KDM4B: variants seen among roughly 807,000 people sequenced by gnomAD.
KDM4B encodes the protein lysine-specific demethylase 4B.
KDM4B carries 32 observed loss-of-function variants against 125.2 expected under a neutral mutation model. The observed-to-expected ratio is 0.26, with a 90% CI of 0.19 to 0.34. The LOEUF (loss-of-function observed/expected upper bound fraction) is 0.34, where lower values mean the gene tolerates loss of function less well. KDM4B is among the 10% of genes least tolerant of loss of function. The probability of loss-of-function intolerance (pLI) is 1.00; values close to 1 mark genes in which losing one functional copy is unlikely to be tolerated. For synonymous variants in KDM4B, 721 were observed against 677.9 expected (o/e 1.06, Z -0.99); for missense variants, 1,190 against 1,577.7 (o/e 0.75, Z 4.16).
chr19:5,109,396 C>G (rs2039095377), intron 9 of KDM4B, among the ~76,000 whole-genome samples: 1 of 152,224 alleles, frequency 6.6e-6, no homozygotes, highest in East Asian at 1.9e-4. Context: ...CACCAGGTCA[C>G]CTGCAGAACA....
At chr19:5,137,059 T>C (rs2039660327) in intron 15 of KDM4B, among the ~76,000 whole-genome samples, 1 of 152,150 alleles carries the variant, frequency 6.6e-6, no homozygotes, top group South Asian at 2.1e-4. Context: ...GACCTTTCTC[T>C]CGCTCCACAT....
intron 9 of KDM4B, among the ~76,000 whole-genome samples, chr19:5,090,039 CTG>C (rs1454371470): frequency 1.3e-5 from 2 of 152,186 alleles, no homozygotes; most frequent in African/African-American, 2.4e-5. Flanking sequence ...AACACAAAAA[CTG>C]TGAAGACCCC....
rs528957998 is a variant in KDM4B, at chr19:5,082,055, C to T, written c.781-312C>T. On this transcript the variant is annotated intron_variant, in intron 8 of 22. Transcript: ENST00000159111. This position sits in a 1 kb window ranked among gnomAD's most constrained non-coding sequence, Gnocchi z 5.4. ...TTGTGTCCAGCCACGGCTCCATCTG[C>T]GGTTCTCCCACTGGGGTGATGCTGA... is the stretch of plus-strand genomic sequence containing the variant. Among the ~76,000 whole-genome samples, 17 of 152,284 alleles carry T rather than the reference C, an allele frequency of 1.1e-4. No homozygotes were observed. In the East Asian group the frequency reaches 2.7e-3, roughly 24 times the overall value.
At chr19:5,084,426 T>C (rs1005481387) in intron 9 of KDM4B, among the ~76,000 whole-genome samples, 2 of 141,046 alleles carry the variant, frequency 1.4e-5, no homozygotes, top group African/African-American at 2.6e-5. Flanking sequence ...AATTTATATA[T>C]ATAAATATAA....
At chr19:5,136,011 C>T (rs992452375) in intron 15 of KDM4B, among the ~76,000 whole-genome samples, 4 of 152,266 alleles carry the variant, frequency 2.6e-5, no homozygotes, top group African/African-American at 9.6e-5. Flanking sequence ...GGCACCCCGT[C>T]TCTCCGCAGG....
At chr19:5,003,811 A>G (rs1599392448) in intron 1 of KDM4B, among the ~76,000 whole-genome samples, 1 of 152,092 alleles carries the variant, frequency 6.6e-6, no homozygotes, top group African/African-American at 2.4e-5. Context: ...CCCCGTCTAA[A>G]AAAAAGGTCC....
At chr19:5,135,306 C>T (rs775292901) in intron 14 of KDM4B, 33 bp from the exon 15 acceptor site, 1 of 1,502,880 alleles carries the variant, frequency 6.7e-7, no homozygotes, top group African/African-American at 1.4e-5. Flanking sequence ...CCACACATGG[C>T]TCTGTCCCCT....
In KDM4B at chr19:5,138,042, G is replaced by A; in HGVS notation, c.2522G>A (p.Ser841Asn). The change falls in exon 18 of 23, where the codon AGC becomes AAC. Residue 841 changes from serine (S) to asparagine (N), a missense_variant. Coordinates refer to ENST00000159111, the MANE Select transcript of KDM4B (RefSeq NM_015015.3). ...NVIERHPVDI[S>N]AIPEQRWKLK... Reference sequence around the variant, plus strand: ...ATTGAGCGCCACCCTGTGGACATCAGCGCCATCCCCGAGCAGCGGTGGAAG... The same window carrying A: ...ATTGAGCGCCACCCTGTGGACATCAACGCCATCCCCGAGCAGCGGTGGAAG... The A allele has an allele frequency of 1.2e-6, 2 of 1,612,590 alleles. No individual in the cohort carries two copies. The highest frequency in any genetic ancestry group is 1.7e-6 in the Non-Finnish European group (2 of 1,179,860).
At chr19:5,032,446 A>G (rs1236712763) in intron 2 of KDM4B, among the ~76,000 whole-genome samples, 2 of 152,168 alleles carry the variant, frequency 1.3e-5, no homozygotes, top group Non-Finnish European at 2.9e-5. Context: ...ACCCTCACCC[A>G]TGGCCGCCCT....
chr19:5,115,829 A>C lies in KDM4B; in HGVS notation c.1116-3824A>C, dbSNP rs926025328. 2.6e-5 allele frequency among the ~76,000 whole-genome samples: 4 copies of C among 152,168 alleles called. No homozygotes were observed. Among genetic ancestry groups the C allele is most frequent in the Non-Finnish European group, 5.9e-5 (4 of 68,026 alleles). On this transcript the variant is annotated intron_variant, in intron 10 of 22. Coordinates refer to ENST00000159111, the MANE Select transcript of KDM4B (RefSeq NM_015015.3). The surrounding 1 kb of genome is among the most constrained non-coding windows in gnomAD (Gnocchi z 4.2). Reference sequence around the variant, plus strand: ...ACAGTGGATTGGGAGGCCCTTGAAGAATCCCCTCCCACAGCACTGACAGAC... The same window carrying C: ...ACAGTGGATTGGGAGGCCCTTGAAGCATCCCCTCCCACAGCACTGACAGAC...
In KDM4B at chr19:5,135,391, C is replaced by G; in HGVS notation, c.2138C>G (p.Pro713Arg). Residue 713 changes from proline (P) to arginine (R), a missense_variant, in exon 15 of 23, where the codon CCG becomes CGG. Transcript: ENST00000159111. ...ATAGCCTCCCTCGGAGAGGGCTGCC[C>G]GGCCACATTACCCTCCAAAAGCCGT... ...APIASLGEGC[P>R]ATLPSKSRQK... 6.2e-7 allele frequency: 1 copy of G among 1,613,598 alleles called. No individual in the cohort carries two copies. The highest frequency in any genetic ancestry group is 8.5e-7 in the Non-Finnish European group (1 of 1,179,984).
At chr19:5,109,522 G>A (rs1200190556) in intron 9 of KDM4B, among the ~76,000 whole-genome samples, 7 of 152,166 alleles carry the variant, frequency 4.6e-5, no homozygotes, top group Non-Finnish European at 7.3e-5. Context: ...GCAGCTGGAG[G>A]GGACTTCAAC....
In KDM4B at chr19:5,110,605, C is replaced by G; in HGVS notation, c.919-17C>G. ...CCAGGTGTGGCGCGAGGGCTCAGACCGTGTCCCCTGCCGCAGTGCACGTGC... is the reference window on the plus strand; with the variant it reads ...CCAGGTGTGGCGCGAGGGCTCAGACGGTGTCCCCTGCCGCAGTGCACGTGC... On this transcript the variant is annotated splice_polypyrimidine_tract_variant and intron_variant, in intron 9 of 22. Coordinates refer to ENST00000159111, the MANE Select transcript of KDM4B (RefSeq NM_015015.3). The G allele has an allele frequency of 6.2e-7, 1 of 1,612,526 alleles. No individual in the cohort carries two copies. Among genetic ancestry groups the G allele is most frequent in the Non-Finnish European group, 8.5e-7 (1 of 1,179,698 alleles).
chr19:5,131,844 G>A, intron 12 of KDM4B, 43 bp from the exon 13 acceptor site: 1 of 1,612,206 alleles, frequency 6.2e-7, no homozygotes, highest in East Asian at 2.2e-5. Context: ...CCCACCCAGG[G>A]GTCTGTAGCG....
At chr19:5,101,702 TTTCCTGGGGAGATCCGGG>T (rs2038938021) in intron 9 of KDM4B, among the ~76,000 whole-genome samples, 1 of 151,348 alleles carries the variant, frequency 6.6e-6, no homozygotes, top group African/African-American at 2.4e-5. Context: ...ACTTGTTGCT[TTTCCTGGGGAGATCCGGG>T]TGGGCTGTGG....
At chr19:5,108,987 A>G (rs181636981) in intron 9 of KDM4B, among the ~76,000 whole-genome samples, 4 of 152,234 alleles carry the variant, frequency 2.6e-5, no homozygotes, top group African/African-American at 9.6e-5. Context: ...TTTGTCCCCT[A>G]GAATCTAGAC....
chr19:5,040,156 A>C, intron 4 of KDM4B, 145 bp downstream of exon 4: 1 of 916,572 alleles, frequency 1.1e-6, no homozygotes, highest in Admixed American at 3.0e-5. Flanking sequence ...GGCTGTGGCG[A>C]CCCCTGCTCC....
intron 9 of KDM4B, among the ~76,000 whole-genome samples, chr19:5,100,133 A>G (rs1212477563): frequency 2.6e-5 from 4 of 151,852 alleles, no homozygotes; most frequent in Non-Finnish European, 5.9e-5. Context: ...GGCTTATTGA[A>G]CCCTTTTTGT....
intron 9 of KDM4B, among the ~76,000 whole-genome samples, chr19:5,095,844 T>C (rs972578352): frequency 6.6e-6 from 1 of 152,198 alleles, no homozygotes; most frequent in Admixed American, 6.5e-5. Context: ...GCAGCACTTA[T>C]GTGCGAGCAT....
Sources: gnomAD v4.1 joint callset for allele counts (sites outside exome capture counted in the v4.1 genomes callset) on GRCh38, gnomAD v4.1.1 for gene constraint, Gnocchi (gnomAD v3.1) non-coding constraint, MANE v1.5 for transcripts, NCBI Gene and HGNC (gene_info 2026-07-23, HGNC 2026-07-21) for gene names.